TRAPPC10: variants seen among roughly 807,000 people sequenced by gnomAD.
TRAPPC10 encodes trafficking protein particle complex subunit 10, also known as TRAPP 130 kDa subunit.
TRAPPC10 carries 23 observed loss-of-function variants against 125.5 expected under a neutral mutation model. The observed-to-expected ratio is 0.18, with a 90% CI of 0.13 to 0.26. The LOEUF is 0.26. Ranked by LOEUF, TRAPPC10 falls within the 10% of genes least tolerant of loss-of-function variation. The pLI is 1.00. For synonymous variants in TRAPPC10, 509 were observed against 518.0 expected (o/e 0.98, Z 0.24); for missense variants, 1,123 against 1,308.4 (o/e 0.86, Z 2.19).
intron 3 of TRAPPC10, among the ~76,000 whole-genome samples, chr21:44,051,213 GA>G (rs1405518942): frequency 6.6e-6 from 1 of 152,184 alleles, no homozygotes; most frequent in Non-Finnish European, 1.5e-5. Context: ...CAGGATTTAA[GA>G]TTTAACTCAC....
chr21:44,092,058 T>C lies in TRAPPC10; in HGVS notation c.2997+9T>C. ...ACACGCAGTCCCAGCAGGTAAACAT[T>C]GTGTAGACCTGAGCATAAACTTCTC... On this transcript the variant is annotated intron_variant, in intron 19 of 22. Transcript: ENST00000291574. 6.2e-7 allele frequency: 1 copy of C among 1,613,180 alleles called. No individual in the cohort carries two copies. The highest frequency in any genetic ancestry group is 2.2e-5 in the East Asian group (1 of 44,870).
intron 1 of TRAPPC10, among the ~76,000 whole-genome samples, chr21:44,023,656 C>T (rs1285484528): frequency 6.6e-6 from 1 of 152,216 alleles, no homozygotes; most frequent in Non-Finnish European, 1.5e-5. Context: ...GCCCTGATTC[C>T]TTTTAGTGAA....
At chr21:44,084,656 A>G (rs2038004407) in intron 15 of TRAPPC10, among the ~76,000 whole-genome samples, 1 of 152,152 alleles carries the variant, frequency 6.6e-6, no homozygotes, top group Admixed American at 6.5e-5. Flanking sequence ...CCTGCAATTC[A>G]GTTCTGACCC....
At chr21:44,055,617 C>A in intron 4 of TRAPPC10, 81 bp from the exon 5 acceptor site, 1 of 1,163,372 alleles carries the variant, frequency 8.6e-7, no homozygotes, top group Non-Finnish European at 1.2e-6. Flanking sequence ...AGAAAATTGC[C>A]GCTCAGGACA....
chr21:44,039,740 C>T (rs565329020), intron 3 of TRAPPC10, among the ~76,000 whole-genome samples: 45 of 152,298 alleles, frequency 3.0e-4, no homozygotes, highest in African/African-American at 1.1e-3. Context: ...TGGCACATGC[C>T]TGTAATCCCA....
rs2037834664 is a variant in TRAPPC10, at chr21:44,082,633, T to A, written c.1724-155T>A. On this transcript the variant is annotated intron_variant, in intron 13 of 22. Coordinates refer to ENST00000291574, the MANE Select transcript of TRAPPC10 (RefSeq NM_003274.5). The surrounding 1 kb of genome is among the most constrained non-coding windows in gnomAD (Gnocchi z 4.4). ...TTTTGATACAATAGCCTTTGGGGGG[T>A]GTGAAGATGGCAGGAGGCTGGGCTC... Among the ~76,000 whole-genome samples the A allele has an allele frequency of 6.6e-6, 1 of 151,742 alleles. No homozygotes were observed. Among genetic ancestry groups the A allele is most frequent in the Admixed American group, 6.6e-5 (1 of 15,210 alleles).
intron 4 of TRAPPC10, among the ~76,000 whole-genome samples, chr21:44,054,216 G>A: frequency 6.6e-6 from 1 of 152,198 alleles, no homozygotes; most frequent in East Asian, 1.9e-4. Context: ...AGCGGCTCTG[G>A]TCCCTTTGTC....
At chr21:44,034,949 A>C (rs1459096857) in intron 2 of TRAPPC10, among the ~76,000 whole-genome samples, 2 of 152,204 alleles carry the variant, frequency 1.3e-5, no homozygotes, top group African/African-American at 2.4e-5. Context: ...CCATACCTTG[A>C]TTTCAACTTT....
At chr21:44,092,622 A>T (rs1469758531) in intron 19 of TRAPPC10, among the ~76,000 whole-genome samples, 1 of 130,370 alleles carries the variant, frequency 7.7e-6, no homozygotes, top group Non-Finnish European at 1.6e-5. Context: ...GCCCCCACTA[A>T]TCCTTTAGCT....
intron 1 of TRAPPC10, among the ~76,000 whole-genome samples, chr21:44,021,997 T>C (rs550053748): frequency 1.8e-4 from 28 of 152,292 alleles, no homozygotes; most frequent in African/African-American, 6.3e-4. Context: ...AAAACTGTTT[T>C]CTAAGCCACC....
At chr21:44,012,742 C>T (rs2031275089) in intron 1 of TRAPPC10, among the ~76,000 whole-genome samples, 182 bp downstream of exon 1, 1 of 152,034 alleles carries the variant, frequency 6.6e-6, no homozygotes, top group South Asian at 2.1e-4. Context: ...CGCCCTCTGA[C>T]CTTCCCGCCG....
At chr21:44,031,509 T>TG (rs2033579769) in intron 1 of TRAPPC10, among the ~76,000 whole-genome samples, 1 of 152,228 alleles carries the variant, frequency 6.6e-6, no homozygotes, top group East Asian at 1.9e-4. Flanking sequence ...CTGAACACGT[T>TG]GGCCCTCAAA....
intron 1 of TRAPPC10, among the ~76,000 whole-genome samples, chr21:44,028,585 C>T (rs549875036): frequency 6.6e-6 from 1 of 152,306 alleles, no homozygotes; most frequent in Non-Finnish European, 1.5e-5. Flanking sequence ...GGCATGAGAG[C>T]CAATGGTGGG....
rs940342292 is a variant in TRAPPC10 at position 44,084,129 on chromosome 21, A to T, written c.2246A>T (p.Glu749Val). The change falls in exon 15 of 23, where the codon GAA (glutamate) becomes GTA (valine). Residue 749 changes from glutamate (E) to valine (V), a missense_variant. Coordinates refer to ENST00000291574, the MANE Select transcript of TRAPPC10 (RefSeq NM_003274.5). ...CTGATTCTTTGACTCTAGGCCAAGG[A>T]ACCTGGAACGTATACACTCAGGCAG... is the stretch of plus-strand genomic sequence containing the variant. ...NQITFRTQAK[E>V]PGTYTLRQLC... is the part of the protein sequence containing the mutation. The T allele has an allele frequency of 2.2e-5, 36 of 1,613,890 alleles. No individual in the cohort carries two copies. The highest frequency in any genetic ancestry group is 2.8e-5 in the Non-Finnish European group (33 of 1,179,994).
chr21:44,078,775 C>T (rs1461453919), intron 11 of TRAPPC10, among the ~76,000 whole-genome samples: 1 of 152,110 alleles, frequency 6.6e-6, no homozygotes, highest in African/African-American at 2.4e-5. Context: ...TTTGACAAGC[C>T]CTTATTAATT....
intron 14 of TRAPPC10, 75 bp downstream of exon 14, chr21:44,083,377 G>C (rs772880601): frequency 2.6e-6 from 4 of 1,520,430 alleles, no homozygotes; most frequent in Non-Finnish European, 3.5e-6. Flanking sequence ...ACTGTCTGGA[G>C]TGTGCTGTGA....
chr21:44,079,482 A>T (rs1215293541), intron 11 of TRAPPC10, 82 bp from the exon 12 acceptor site: 1 of 1,489,726 alleles, frequency 6.7e-7, no homozygotes, highest in African/African-American at 1.4e-5. Flanking sequence ...TGGAGGATGG[A>T]GGCCAAAGCG....
chr21:44,081,005 CTTTTTTTTTTTCTTTTT>C (rs1489897589), intron 13 of TRAPPC10, among the ~76,000 whole-genome samples: 16 of 103,870 alleles, frequency 1.5e-4, no homozygotes, highest in Non-Finnish European at 3.3e-4. Context: ...TATTATTGTT[CTTTTTTTTTTTCTTTTT>C]TTTTTTTTTT....
chr21:44,013,190 C>T (rs2031375024), intron 1 of TRAPPC10, among the ~76,000 whole-genome samples: 2 of 151,608 alleles, frequency 1.3e-5, no homozygotes, highest in Admixed American at 6.6e-5. Flanking sequence ...GTCTACACTA[C>T]GGACACCTGG....
Sources: gnomAD v4.1 joint callset for allele counts (sites outside exome capture counted in the v4.1 genomes callset) on GRCh38, gnomAD v4.1.1 for gene constraint, Gnocchi (gnomAD v3.1) non-coding constraint, MANE v1.5 for transcripts, NCBI Gene and HGNC (gene_info 2026-07-23, HGNC 2026-07-21) for gene names.